Variants in ATF7 observed in about 807,000 individuals in gnomAD.
ATF7 encodes activating transcription factor 7, also known as cyclic AMP-dependent transcription factor ATF-7.
A neutral mutation model predicts 50.4 loss-of-function variants in ATF7; 10 were observed. The observed-to-expected ratio is 0.20, with a 90% CI of 0.12 to 0.34. The LOEUF (loss-of-function observed/expected upper bound fraction) is 0.34, where lower values mean the gene tolerates loss of function less well. Ranked by LOEUF, ATF7 falls within the 10% of genes least tolerant of loss-of-function variation. The probability of loss-of-function intolerance (pLI) is 1.00; values close to 1 mark genes in which losing one functional copy is unlikely to be tolerated. For missense variants in ATF7, 465 were observed against 613.9 expected, an observed-to-expected ratio of 0.76 and a Z score of 2.56; for synonymous variants, 201 against 226.4, an observed-to-expected ratio of 0.89 and a Z score of 1.01.
intron 9 of ATF7, among the ~76,000 whole-genome samples, chr12:53,526,370 T>C (rs556337372): frequency 6.6e-6 from 1 of 152,194 alleles, no homozygotes; most frequent in African/African-American, 2.4e-5. Flanking sequence ...GGATGAAGAC[T>C]TTTATGATAC....
At chr12:53,581,614 G>C (rs1942428746) in intron 2 of ATF7, among the ~76,000 whole-genome samples, 1 of 151,962 alleles carries the variant, frequency 6.6e-6, no homozygotes, top group Non-Finnish European at 1.5e-5. Context: ...GAAATCTCCA[G>C]AGAAATTAAA....
In ATF7 at chr12:53,534,570, T is replaced by C. The variant is rs758890714; in HGVS notation, c.492A>G (p.Pro164=). 3 of 1,613,862 alleles carry C rather than the reference T, an allele frequency of 1.9e-6. No individual in the cohort carries two copies. Among genetic ancestry groups the C allele is most frequent in the Admixed American group, 3.3e-5 (2 of 59,966 alleles). Residue 164 remains proline (P), a synonymous_variant, in exon 6 of 12, where the codon CCA becomes CCG. Transcript: ENST00000420353. ...GSLPLHLGYD[P]LHPTLPSPTS... ...TTGGGGAGGGAAGGGTTGGATGAAG[T>C]GGATCATAGCCCAAGTGGAGAGGCA...
intron 4 of ATF7, among the ~76,000 whole-genome samples, chr12:53,540,304 T>C (rs1297490931): frequency 6.7e-6 from 1 of 148,822 alleles, no homozygotes; most frequent in Non-Finnish European, 1.5e-5. Context: ...TGAGCCATCA[T>C]GATCGCACCA....
At chr12:53,597,810 A>G (rs1448330083) in intron 2 of ATF7, among the ~76,000 whole-genome samples, 1 of 146,256 alleles carries the variant, frequency 6.8e-6, no homozygotes, top group Admixed American at 6.8e-5. Flanking sequence ...CTCTGTCTCA[A>G]AAAAAAAAAA....
At chr12:53,579,222 A>C (rs1216333312) in intron 2 of ATF7, among the ~76,000 whole-genome samples, 22 of 151,810 alleles carry the variant, frequency 1.4e-4, no homozygotes. Context: ...CCAGCCTGGG[A>C]GACAGAGCAA....
At chr12:53,598,957 G>A (rs1390664946) in intron 2 of ATF7, among the ~76,000 whole-genome samples, 1 of 152,126 alleles carries the variant, frequency 6.6e-6, no homozygotes, top group Non-Finnish European at 1.5e-5. Flanking sequence ...AAGTGAAAAA[G>A]GTACAAGGTA....
chr12:53,572,034 T>C (rs1384001384), intron 2 of ATF7, among the ~76,000 whole-genome samples: 1 of 151,270 alleles, frequency 6.6e-6, no homozygotes, highest in South Asian at 2.1e-4. Context: ...GCCACTGCAC[T>C]CCAGCCTGGG....
intron 2 of ATF7, among the ~76,000 whole-genome samples, chr12:53,579,213 C>A (rs970155113): frequency 6.6e-6 from 1 of 152,022 alleles, no homozygotes; most frequent in African/African-American, 2.4e-5. Flanking sequence ...CGCTGCACTC[C>A]AGCCTGGGAG....
chr12:53,567,311 A>T (rs1941493214), intron 2 of ATF7, among the ~76,000 whole-genome samples: 1 of 152,230 alleles, frequency 6.6e-6, no homozygotes, highest in African/African-American at 2.4e-5. Flanking sequence ...AAGCTTCCTT[A>T]GAAACAATGG....
chr12:53,529,672 T>TAA (rs1355550930), intron 9 of ATF7, among the ~76,000 whole-genome samples: 2 of 141,912 alleles, frequency 1.4e-5, no homozygotes, highest in African/African-American at 5.5e-5. Context: ...CACATATATA[T>TAA]ATACACACAT....
At chr12:53,587,841 A>ATTTTTTT (rs1455265890) in intron 2 of ATF7, among the ~76,000 whole-genome samples, 1 of 46,404 alleles carries the variant, frequency 2.2e-5, no homozygotes, top group African/African-American at 6.2e-5. Flanking sequence ...ATATATATAT[A>ATTTTTTT]TATTTTTTTT....
At chr12:53,594,616 G>A (rs149212543) in intron 2 of ATF7, among the ~76,000 whole-genome samples, 2 of 152,128 alleles carry the variant, frequency 1.3e-5, no homozygotes, top group Admixed American at 6.5e-5. Flanking sequence ...GGCCAAGTGC[G>A]GTGGCTTACG....
chr12:53,515,795 C>T lies in ATF7; in HGVS notation c.*1342G>A, dbSNP rs1487003584. On this transcript the variant is annotated 3_prime_UTR_variant, in exon 12 of 12. Transcript: ENST00000420353. ...ACTCAGCATCTTGGCTATGACGCTT[C>T]AAGATCCTGGAGCACTGCATGTAAA... is the stretch of plus-strand genomic sequence containing the variant. The T allele has an allele frequency of 1.3e-5, 2 of 152,274 alleles. No individual in the cohort carries two copies. Among genetic ancestry groups the T allele is most frequent in the Non-Finnish European group, 2.9e-5 (2 of 68,100 alleles). 9.4% of individuals were successfully genotyped at this position (152,274 alleles called of 1,614,324 possible).
intron 9 of ATF7, chr12:53,525,001 TC>T: frequency 2.3e-6 from 1 of 441,750 alleles, no homozygotes; most frequent in Non-Finnish European, 4.0e-6. Flanking sequence ...ATTTGGAAAC[TC>T]TGATTATTTA....
At chr12:53,585,011 T>A (rs1942608128) in intron 2 of ATF7, among the ~76,000 whole-genome samples, 1 of 152,188 alleles carries the variant, frequency 6.6e-6, no homozygotes, top group Admixed American at 6.5e-5. Context: ...TTCACTCTGT[T>A]GCCCAGGCTG....
At chr12:53,552,225 G>A (rs1263428670) in intron 3 of ATF7, among the ~76,000 whole-genome samples, 1 of 152,036 alleles carries the variant, frequency 6.6e-6, no homozygotes, top group Admixed American at 6.6e-5. Context: ...AATGTCAAAG[G>A]GATCTTTTGT....
intron 2 of ATF7, among the ~76,000 whole-genome samples, chr12:53,563,722 A>G (rs1347384842): frequency 2.0e-5 from 3 of 152,256 alleles, no homozygotes; most frequent in Non-Finnish European, 4.4e-5. Flanking sequence ...GGCACTCAAT[A>G]AATTATTGCT....
intron 2 of ATF7, among the ~76,000 whole-genome samples, chr12:53,557,259 T>C (rs964271024): frequency 6.6e-6 from 1 of 152,188 alleles, no homozygotes; most frequent in Non-Finnish European, 1.5e-5. Flanking sequence ...TGGAGTGCAG[T>C]GGCACGATCT....
chr12:53,565,874 G>A (rs1367617243), intron 2 of ATF7, among the ~76,000 whole-genome samples: 3 of 152,016 alleles, frequency 2.0e-5, no homozygotes, highest in Admixed American at 2.0e-4. Flanking sequence ...TGCTAATAAC[G>A]ACATACCCAA....
Sources: allele counts gnomAD v4.1 joint callset (sites outside exome capture counted in the v4.1 genomes callset), GRCh38; gene constraint gnomAD v4.1.1; transcripts MANE v1.5; gene names NCBI Gene and HGNC (gene_info 2026-07-23, HGNC 2026-07-21).